Variants in CASZ1 observed in about 807,000 individuals in gnomAD.
CASZ1 encodes the protein zinc finger protein castor homolog 1.
In CASZ1, 28 loss-of-function variants were observed where a neutral mutation model predicts 135.2. That is an observed-to-expected ratio of 0.21 (90% CI 0.15 to 0.28). The LOEUF (loss-of-function observed/expected upper bound fraction) is 0.28, where lower values mean the gene tolerates loss of function less well. Ranked by LOEUF, CASZ1 falls within the 10% of genes least tolerant of loss-of-function variation. The probability of loss-of-function intolerance (pLI) is 1.00; values close to 1 mark genes in which losing one functional copy is unlikely to be tolerated. For synonymous variants in CASZ1, 1,068 were observed against 1,073.4 expected (o/e 0.99, Z 0.10); for missense variants, 2,161 against 2,453.3 (o/e 0.88, Z 2.52).
chr1:10,647,197 T>C lies in CASZ1; in HGVS notation c.3497+604A>G. 1.0e-6 allele frequency: 1 copy of C among 985,290 alleles called. No homozygotes were observed. The highest frequency in any genetic ancestry group is 1.2e-6 in the Non-Finnish European group (1 of 828,836). 61.0% of individuals were successfully genotyped at this position (985,290 alleles called of 1,614,324 possible). ...CAGTTGCTCAGAGAGGGAGGACAGC[T>C]GCCACTCAGGCGATATAAATAATCC... On this transcript the variant is annotated intron_variant, in intron 16 of 20. Transcript: ENST00000377022. This position sits in a 1 kb window ranked among gnomAD's most constrained non-coding sequence, Gnocchi z 4.9.
intron 3 of CASZ1, among the ~76,000 whole-genome samples, chr1:10,703,895 T>TA (rs1639113802): frequency 6.6e-6 from 1 of 152,194 alleles, no homozygotes. Context: ...ACTTTATTTA[T>TA]AAAAGCAGAC....
intron 2 of CASZ1, among the ~76,000 whole-genome samples, chr1:10,742,187 G>A (rs1450346452): frequency 2.6e-5 from 4 of 152,128 alleles, no homozygotes; most frequent in Non-Finnish European, 5.9e-5. Flanking sequence ...CCCGGTGTCC[G>A]CTTTTCAGAA....
intron 11 of CASZ1, chr1:10,652,813 C>A: frequency 6.5e-6 from 1 of 153,166 alleles, no homozygotes. Context: ...CACACGTGGC[C>A]AGTGGCTGCC....
chr1:10,650,911 G>T, intron 12 of CASZ1, 30 bp downstream of exon 12: 1 of 1,607,342 alleles, frequency 6.2e-7, no homozygotes. Context: ...TGGTTCCCGG[G>T]GCTGGCTCCC....
At chr1:10,723,146 G>A (rs1333100869) in intron 2 of CASZ1, among the ~76,000 whole-genome samples, 2 of 152,250 alleles carry the variant, frequency 1.3e-5, no homozygotes, top group Non-Finnish European at 2.9e-5. Flanking sequence ...CAGTGCCCTG[G>A]CTGTAAACCG....
rs1048637163 is a variant in CASZ1, at chr1:10,739,363, C to A, written c.-77+21338G>T. Among the ~76,000 whole-genome samples the A allele has an allele frequency of 6.6e-6, 1 of 152,094 alleles. No individual in the cohort carries two copies. On this transcript the variant is annotated intron_variant, in intron 2 of 20. Coordinates refer to ENST00000377022, the MANE Select transcript of CASZ1 (RefSeq NM_001079843.3). This position sits in a 1 kb window ranked among gnomAD's most constrained non-coding sequence, Gnocchi z 4.8. ...CGCGAGGGAAACCCTCCCAGGGGCC[C>A]GGGCCCAGGGTGGCCACGGTGAGGA...
At chr1:10,734,783 T>G (rs1639765623) in intron 2 of CASZ1, among the ~76,000 whole-genome samples, 1 of 152,112 alleles carries the variant, frequency 6.6e-6, no homozygotes, top group Admixed American at 6.5e-5. Context: ...ACCACAATGT[T>G]TGGGGGTGGA....
intron 1 of CASZ1, among the ~76,000 whole-genome samples, chr1:10,769,630 C>A (rs1037870596): frequency 1.3e-5 from 2 of 152,130 alleles, no homozygotes; most frequent in African/African-American, 2.4e-5. Flanking sequence ...GATTCTCCTG[C>A]CTCTGCCTCC....
At position 10,707,793 on chromosome 1, in the gene CASZ1, G is replaced by A. The variant is rs1217469894; in HGVS notation, c.-76-2249C>T. ...TCTCACTGTCCCCACTGTCTGCTTT[G>A]TGAGTGGCCCATATGAGTGAGTGGC... On this transcript the variant is annotated intron_variant, in intron 2 of 20. Transcript: ENST00000377022. The surrounding 1 kb of genome is among the most constrained non-coding windows in gnomAD (Gnocchi z 5.0). 6.6e-6 allele frequency among the ~76,000 whole-genome samples: 1 copy of A among 152,106 alleles called. No homozygotes were observed. The highest frequency in any genetic ancestry group is 1.5e-5 in the Non-Finnish European group (1 of 68,016).
At chr1:10,677,880 C>A (rs1412155349) in intron 4 of CASZ1, among the ~76,000 whole-genome samples, 1 of 152,240 alleles carries the variant, frequency 6.6e-6, no homozygotes, top group Non-Finnish European at 1.5e-5. Flanking sequence ...TGGCTCTGAA[C>A]CAGCACCTGC....
chr1:10,775,091 G>C (rs1414175907), intron 1 of CASZ1, among the ~76,000 whole-genome samples: 3 of 152,028 alleles, frequency 2.0e-5, no homozygotes, highest in Non-Finnish European at 4.4e-5. Flanking sequence ...CAGTCGGCCA[G>C]AAAACCCTGG....
intron 4 of CASZ1, among the ~76,000 whole-genome samples, chr1:10,675,527 C>T (rs553261294): frequency 4.6e-5 from 7 of 152,180 alleles, no homozygotes; most frequent in South Asian, 4.2e-4. Flanking sequence ...CAGGCACTTC[C>T]GGGAGCCCAG....
rs149279348 is a variant in CASZ1 at position 10,743,831 on chromosome 1, C to T, written c.-77+16870G>A. Among the ~76,000 whole-genome samples the T allele has an allele frequency of 1.1e-3, 128 of 118,104 alleles. No homozygotes were observed. In the East Asian group the frequency reaches 0.018, roughly 17 times the overall value. 77.5% of individuals were successfully genotyped at this position (118,104 alleles called of 152,430 possible). ...TACCCGATGAGCAGAGAGCAAGAAG[C>T]GAGGGAAATTGTTGAGGAAAGGGAG... is the stretch of plus-strand genomic sequence containing the variant. On this transcript the variant is annotated intron_variant, in intron 2 of 20. Transcript: ENST00000377022.
chr1:10,746,936 T>C (rs958701127), intron 2 of CASZ1, among the ~76,000 whole-genome samples: 2 of 152,214 alleles, frequency 1.3e-5, no homozygotes, highest in Non-Finnish European at 2.9e-5. Flanking sequence ...TCCCACTCCC[T>C]GCCCCTTCTC....
chr1:10,780,084 C>T (rs1640736652), intron 1 of CASZ1, among the ~76,000 whole-genome samples: 1 of 152,180 alleles, frequency 6.6e-6, no homozygotes, highest in Non-Finnish European at 1.5e-5. Context: ...CTCACGGTGA[C>T]CTTCACTCCC....
intron 1 of CASZ1, among the ~76,000 whole-genome samples, chr1:10,796,097 C>T (rs2100645385): frequency 6.6e-6 from 1 of 152,180 alleles, no homozygotes; most frequent in African/African-American, 2.4e-5. Context: ...GAGTGATTAC[C>T]CGGTATTGGA....
intron 4 of CASZ1, among the ~76,000 whole-genome samples, chr1:10,691,222 T>C (rs1266299303): frequency 1.3e-5 from 2 of 152,196 alleles, no homozygotes; most frequent in East Asian, 3.8e-4. Flanking sequence ...GCTAGTTTAA[T>C]TAAAAAATGT....
In CASZ1 at chr1:10,694,261, G is replaced by A. The variant is rs1557513055; in HGVS notation, c.-23-349C>T. ...GCCCGGGTCGCCGCCCGAGACCGCG[G>A]CCCCCGGGCCTCCCCCGCCCGCGCC... On this transcript the variant is annotated intron_variant, in intron 3 of 20. Transcript: ENST00000377022. The surrounding 1 kb of genome is among the most constrained non-coding windows in gnomAD (Gnocchi z 6.6). 2.0e-6 allele frequency: 2 copies of A among 982,440 alleles called. No homozygotes were observed. The highest frequency in any genetic ancestry group is 2.5e-6 in the Non-Finnish European group (2 of 815,172). The allele number at this position is 982,440 out of a possible 1,614,324, so 60.9% of individuals were successfully genotyped here. A position where few individuals can be genotyped will look rare whatever the true frequency, so the allele number is the denominator to read the frequency against.
chr1:10,693,497 C>CAAA (rs1172496673), intron 4 of CASZ1, among the ~76,000 whole-genome samples: 470 of 23,292 alleles, frequency 0.02, 137 homozygotes, highest in African/African-American at 0.074. Context: ...TTGCAGAGAA[C>CAAA]AAAAAAAAAA....
Sources: allele counts gnomAD v4.1 joint callset (sites outside exome capture counted in the v4.1 genomes callset), GRCh38; gene constraint gnomAD v4.1.1; non-coding constraint Gnocchi (gnomAD v3.1); transcripts MANE v1.5; gene names NCBI Gene and HGNC (gene_info 2026-07-23, HGNC 2026-07-21).